DCAF5: variants seen among roughly 807,000 people sequenced by gnomAD.
DCAF5 encodes the protein DDB1- and CUL4-associated factor 5.
DCAF5 carries 9 observed loss-of-function variants against 80.7 expected under a neutral mutation model. The ratio of observed to expected loss-of-function variants is 0.11; its 90% CI spans 0.07 to 0.19. The LOEUF (loss-of-function observed/expected upper bound fraction) is 0.19. Among genes scored for constraint, DCAF5 ranks in the 10% least tolerant of loss-of-function variants. The pLI, the probability that DCAF5 is intolerant of heterozygous loss-of-function variation, is 1.00. For synonymous variants in DCAF5, 433 were observed against 461.9 expected, an observed-to-expected ratio of 0.94 and a Z score of 0.80; for missense variants, 842 against 1,205.7, an observed-to-expected ratio of 0.70 and a Z score of 4.47.
At chr14:69,102,355 C>A (rs1251714547) in intron 5 of DCAF5, among the ~76,000 whole-genome samples, 1 of 151,988 alleles carries the variant, frequency 6.6e-6, no homozygotes, top group Non-Finnish European at 1.5e-5. Flanking sequence ...GTGATCCCTG[C>A]CTCAGCCTCC....
intron 7 of DCAF5, among the ~76,000 whole-genome samples, chr14:69,064,051 T>C (rs2038338113): frequency 6.6e-6 from 1 of 152,136 alleles, no homozygotes; most frequent in Admixed American, 6.6e-5. Flanking sequence ...CAAGGAAAAG[T>C]TAGGCACTGA....
At chr14:69,133,078 G>C (rs904322656) in intron 1 of DCAF5, among the ~76,000 whole-genome samples, 7 of 152,218 alleles carry the variant, frequency 4.6e-5, no homozygotes, top group Admixed American at 4.6e-4. Context: ...CATCAGTTAA[G>C]TTTACTCTGG....
At chr14:69,151,326 A>G (rs1319389554) in intron 1 of DCAF5, among the ~76,000 whole-genome samples, 1 of 152,126 alleles carries the variant, frequency 6.6e-6, no homozygotes, top group Admixed American at 6.5e-5. Context: ...TAAAATGATC[A>G]CAGAAGACCT....
chr14:69,106,269 T>C (rs2140021555), intron 5 of DCAF5, among the ~76,000 whole-genome samples: 1 of 152,176 alleles, frequency 6.6e-6, no homozygotes, highest in East Asian at 1.9e-4. Context: ...TTGGCCAGGC[T>C]GGTCTCAAAC....
chr14:69,137,579 C>T (rs931857386), intron 1 of DCAF5, among the ~76,000 whole-genome samples: 7 of 152,212 alleles, frequency 4.6e-5, no homozygotes, highest in East Asian at 1.9e-4. Context: ...TCAGTGAAGG[C>T]CCTAACACTT....
chr14:69,070,329 G>GA (rs1211853018), intron 7 of DCAF5, among the ~76,000 whole-genome samples: 1 of 152,030 alleles, frequency 6.6e-6, no homozygotes, highest in Admixed American at 6.5e-5. Flanking sequence ...ACTTACTAGG[G>GA]AAAAAATGCT....
chr14:69,071,662 C>A (rs2038698632), intron 7 of DCAF5, among the ~76,000 whole-genome samples: 1 of 151,966 alleles, frequency 6.6e-6, no homozygotes, highest in African/African-American at 2.4e-5. Context: ...ACGCACTTAT[C>A]TTTGGCCCAT....
At position 69,051,848 on chromosome 14, in the gene DCAF5, G is replaced by A. The variant is rs1480907974; in HGVS notation, c.*2009C>T. On this transcript the variant is annotated 3_prime_UTR_variant, in exon 9 of 9. Transcript: ENST00000341516. ...GAAGGGGAAGAGAAACACACACTGA[G>A]TGATCGTATTTTTTTTGTATATAAA... 1 of 152,618 alleles carries A rather than the reference G, an allele frequency of 6.6e-6. No individual in the cohort carries two copies. The highest frequency in any genetic ancestry group is 1.9e-4 in the East Asian group (1 of 5,196). The allele number at this position is 152,618 out of a possible 1,614,324, so 9.5% of individuals were successfully genotyped here. A position where few individuals can be genotyped will look rare whatever the true frequency, so the allele number is the denominator to read the frequency against.
chr14:69,059,863 G>A (rs1250350910), intron 8 of DCAF5, among the ~76,000 whole-genome samples: 4 of 152,148 alleles, frequency 2.6e-5, no homozygotes, highest in African/African-American at 7.2e-5. Flanking sequence ...ATGCAAACTA[G>A]GGAGCAGTGA....
chr14:69,143,709 G>A (rs761188357), intron 1 of DCAF5: 2 of 152,290 alleles, frequency 1.3e-5, no homozygotes, highest in African/African-American at 2.4e-5. Flanking sequence ...TATTATAATG[G>A]CAGTGGCGAC....
At chr14:69,084,795 A>G in intron 6 of DCAF5, 1 of 1,099,688 alleles carries the variant, frequency 9.1e-7, no homozygotes, top group Non-Finnish European at 1.4e-6. Flanking sequence ...CAGTTCTGCA[A>G]TGCAGATTCA....
chr14:69,092,844 T>C (rs80186008), intron 5 of DCAF5, among the ~76,000 whole-genome samples: 1,600 of 152,366 alleles, frequency 0.011, 28 homozygotes, highest in African/African-American at 0.035. Flanking sequence ...CAAGTTTATA[T>C]GTAGCTTTAA....
In DCAF5 at chr14:69,055,160, C is replaced by T. The variant is rs150859516; in HGVS notation, c.1526G>A (p.Arg509His). The change falls in exon 9 of 9, where the codon CGC becomes CAC. Residue 509 changes from arginine (R) to histidine (H), a missense_variant. Around this residue, in one of 5 missense-constraint regions of DCAF5, gnomAD observed 607 missense variants for 656.6 expected, o/e 0.92. Coordinates refer to ENST00000341516, the MANE Select transcript of DCAF5 (RefSeq NM_003861.3). The surrounding 1 kb of genome is among the most constrained non-coding windows in gnomAD (Gnocchi z 5.6). ...PTPTCEDAASRQQRLSALRRY... is the reference protein window; with the variant it reads ...PTPTCEDAASHQQRLSALRRY... ...CCGCAGAGCAGACAGACGCTGCTGG[C>T]GAGAGGCTGCATCCTCACACGTGGG... 1.7e-5 allele frequency: 27 copies of T among 1,614,066 alleles called. No homozygotes were observed. Among genetic ancestry groups the T allele is most frequent in the Admixed American group, 1.5e-4 (9 of 60,002 alleles).
At chr14:69,131,777 T>C (rs1468078667) in intron 1 of DCAF5, among the ~76,000 whole-genome samples, 2 of 148,298 alleles carry the variant, frequency 1.3e-5, no homozygotes, top group Admixed American at 6.7e-5. Flanking sequence ...TTTTTTTTAA[T>C]GATTTTATCT....
At chr14:69,087,533 C>A (rs1478433481) in intron 6 of DCAF5, among the ~76,000 whole-genome samples, 1 of 152,200 alleles carries the variant, frequency 6.6e-6, no homozygotes, top group Non-Finnish European at 1.5e-5. Context: ...ACCCAGCCAA[C>A]CTGATGTCAC....
chr14:69,088,214 T>C (rs775655561), intron 6 of DCAF5, among the ~76,000 whole-genome samples: 5 of 152,204 alleles, frequency 3.3e-5, no homozygotes, highest in Non-Finnish European at 7.3e-5. Flanking sequence ...GTTGTGATCA[T>C]TTGTACAGTG....
chr14:69,083,833 G>A (rs2039210500), intron 6 of DCAF5: 5 of 732,528 alleles, frequency 6.8e-6, no homozygotes, highest in Non-Finnish European at 1.3e-5. Context: ...AGAAAATAAT[G>A]TTGAGAAGCC....
intron 6 of DCAF5, chr14:69,083,797 G>A (rs2039209081): frequency 1.4e-6 from 1 of 705,774 alleles, no homozygotes; most frequent in Admixed American, 2.2e-5. Context: ...ATCTGAAGAA[G>A]AAAGTGCCAA....
chr14:69,074,456 T>G (rs2038823971), intron 7 of DCAF5, among the ~76,000 whole-genome samples: 1 of 152,208 alleles, frequency 6.6e-6, no homozygotes, highest in Admixed American at 6.5e-5. Flanking sequence ...TCCACACTGT[T>G]TGAAAGCTCA....
Sources: gnomAD v4.1 joint callset for allele counts (sites outside exome capture counted in the v4.1 genomes callset) on GRCh38, gnomAD v4.1.1 for gene constraint, gnomAD v4.1.1 regional missense constraint, Gnocchi (gnomAD v3.1) non-coding constraint, MANE v1.5 for transcripts, NCBI Gene and HGNC (gene_info 2026-07-23, HGNC 2026-07-21) for gene names.